The following CALN1 variants were observed in gnomAD, a reference collection of about 807,000 sequenced individuals.
CALN1 encodes the protein calcium-binding protein 8.
In CALN1, 17 loss-of-function variants were observed where a neutral mutation model predicts 30.6. That is an observed-to-expected ratio of 0.56 (90% CI 0.38 to 0.83). The LOEUF (loss-of-function observed/expected upper bound fraction) is 0.83. Ranked by LOEUF, CALN1 falls within the 40% of genes least tolerant of loss-of-function variation. The probability of loss-of-function intolerance (pLI) is 0.00; values close to 1 mark genes in which losing one functional copy is unlikely to be tolerated. For synonymous variants in CALN1, 156 were observed against 131.4 expected, an observed-to-expected ratio of 1.19 and a Z score of -1.28; for missense variants, 291 against 354.9, an observed-to-expected ratio of 0.82 and a Z score of 1.45.
chr7:71,871,634 C>T (rs1161530867), intron 5 of CALN1, among the ~76,000 whole-genome samples: 1 of 152,152 alleles, frequency 6.6e-6, no homozygotes. Flanking sequence ...TGCCTGCCCC[C>T]ACTCCCACCA....
chr7:71,941,645 TAA>T (rs1239846954), intron 5 of CALN1, among the ~76,000 whole-genome samples: 1 of 152,168 alleles, frequency 6.6e-6, no homozygotes, highest in Non-Finnish European at 1.5e-5. Flanking sequence ...GTAAAAATTA[TAA>T]AGTCAGATAA....
At chr7:72,244,182 T>A (rs887291654) in intron 3 of CALN1, among the ~76,000 whole-genome samples, 1 of 152,226 alleles carries the variant, frequency 6.6e-6, no homozygotes, top group Admixed American at 6.5e-5. Flanking sequence ...AATCTCTGAT[T>A]TTAGGCACAG....
At chr7:72,366,503 T>C (rs1009713714) in intron 2 of CALN1, among the ~76,000 whole-genome samples, 1 of 149,660 alleles carries the variant, frequency 6.7e-6, no homozygotes, top group Admixed American at 6.8e-5. Context: ...AAAATTTCAA[T>C]AGCTGTTGGG....
At chr7:72,426,031 A>G (rs912393617) in intron 1 of CALN1, among the ~76,000 whole-genome samples, 3 of 152,260 alleles carry the variant, frequency 2.0e-5, no homozygotes, top group African/African-American at 7.2e-5. Flanking sequence ...ATTGGGAGGC[A>G]TCTCTGATGG....
At chr7:72,469,986 C>A in the CALN1 span, among the ~76,000 whole-genome samples, 48 of 152,088 alleles carry the variant, frequency 3.2e-4, no homozygotes, top group African/African-American at 1.2e-3. Flanking sequence ...GCCTGCAGAG[C>A]CAGTGTAGAA....
intron 3 of CALN1, among the ~76,000 whole-genome samples, chr7:72,181,107 C>A (rs930263115): frequency 9.4e-5 from 9 of 95,370 alleles, no homozygotes; most frequent in Admixed American, 2.1e-4. Flanking sequence ...CCCCCCCCCC[C>A]CCCAAAAAAA....
chr7:71,819,798 G>C (rs2116308285), intron 5 of CALN1, among the ~76,000 whole-genome samples: 1 of 152,152 alleles, frequency 6.6e-6, no homozygotes, highest in South Asian at 2.1e-4. Context: ...ATGCCCTCAA[G>C]GTTCATCCAT....
chr7:72,285,394 C>T (rs1380695402), intron 2 of CALN1, among the ~76,000 whole-genome samples: 1 of 152,098 alleles, frequency 6.6e-6, no homozygotes, highest in Non-Finnish European at 1.5e-5. Context: ...CAGGCGCCTG[C>T]CACCACGTCT....
chr7:72,465,930 G>A, the CALN1 span, among the ~76,000 whole-genome samples: 18 of 152,278 alleles, frequency 1.2e-4, no homozygotes, highest in South Asian at 2.9e-3. Context: ...GAGGGTGTGG[G>A]ACACCCCCAC....
intron 3 of CALN1, among the ~76,000 whole-genome samples, chr7:72,120,622 G>A (rs1808310372): frequency 6.6e-6 from 1 of 152,040 alleles, no homozygotes; most frequent in African/African-American, 2.4e-5. Context: ...TTGCCAAGTT[G>A]CCCTCAAAAA....
At chr7:71,908,853 G>A (rs1794276772) in intron 5 of CALN1, among the ~76,000 whole-genome samples, 1 of 152,180 alleles carries the variant, frequency 6.6e-6, no homozygotes, top group African/African-American at 2.4e-5. Context: ...TTGATTCAGG[G>A]CAAATCAGGG....
chr7:72,115,685 G>A (rs1807934687), intron 3 of CALN1, among the ~76,000 whole-genome samples: 2 of 151,334 alleles, frequency 1.3e-5, no homozygotes, highest in African/African-American at 2.4e-5. Context: ...GCCGGGTTTC[G>A]CCACGTTGGC....
At chr7:72,412,368 T>A (rs574001117), upstream of CALN1, 2 of 152,238 alleles carry the variant, frequency 1.3e-5, no homozygotes, top group South Asian at 4.2e-4. Flanking sequence ...CAGCTTTTAT[T>A]CTCTTATTCA....
At chr7:72,451,645 C>T (rs1047703726), upstream of CALN1, among the ~76,000 whole-genome samples, 5 of 152,090 alleles carry the variant, frequency 3.3e-5, no homozygotes, top group Non-Finnish European at 5.9e-5. Context: ...TCAGCTCCTG[C>T]CTAAGGTTCA....
At chr7:71,991,230 G>A (rs538622432) in intron 5 of CALN1, among the ~76,000 whole-genome samples, 76 of 152,198 alleles carry the variant, frequency 5.0e-4, no homozygotes, top group African/African-American at 1.8e-3. Flanking sequence ...AGGCCAAGGC[G>A]GGCAGATCAT....
chr7:71,857,016 ATGTGTG>A (rs200594767), intron 5 of CALN1, among the ~76,000 whole-genome samples: 13,826 of 142,196 alleles, frequency 0.097, 888 homozygotes, highest in East Asian at 0.33. Flanking sequence ...GTGTATATGT[ATGTGTG>A]TGTGTGTGTG....
At chr7:72,052,562 G>A (rs1393268643) in intron 4 of CALN1, among the ~76,000 whole-genome samples, 2 of 152,180 alleles carry the variant, frequency 1.3e-5, no homozygotes, top group African/African-American at 4.8e-5. Context: ...AAGAGAGGGG[G>A]CTTCCTCCTT....
At chr7:72,398,403 A>C (rs559794131) in intron 2 of CALN1, among the ~76,000 whole-genome samples, 9 of 152,228 alleles carry the variant, frequency 5.9e-5, no homozygotes, top group South Asian at 2.1e-4. Flanking sequence ...TGCTTTGTCT[A>C]CACGTTTTCA....
chr7:72,056,966 G>A (rs1194231643), intron 4 of CALN1, among the ~76,000 whole-genome samples: 1 of 152,030 alleles, frequency 6.6e-6, no homozygotes, highest in Non-Finnish European at 1.5e-5. Context: ...TTAAAAACAA[G>A]GTCTCACTCT....
Sources: allele counts gnomAD v4.1 joint callset (sites outside exome capture counted in the v4.1 genomes callset), GRCh38; gene constraint gnomAD v4.1.1; transcripts MANE v1.5; gene names NCBI Gene and HGNC (gene_info 2026-07-23, HGNC 2026-07-21).